The following ANK2 variants were observed in gnomAD, a reference collection of about 807,000 sequenced individuals.
ANK2 encodes the protein ankyrin-2.
Under a neutral mutation model 360.5 loss-of-function variants are expected in ANK2, and 83 were observed. The ratio of observed to expected loss-of-function variants is 0.23; its 90% confidence interval spans 0.19 to 0.28. The LOEUF (loss-of-function observed/expected upper bound fraction) is 0.28. ANK2 is among the 10% of genes least tolerant of loss of function. The probability of loss-of-function intolerance (pLI) is 1.00; values close to 1 mark genes in which losing one functional copy is unlikely to be tolerated. For synonymous variants in ANK2, 1,740 were observed against 1,759.5 expected (o/e 0.99, Z 0.28); for missense variants, 4,201 against 4,795.7 (o/e 0.88, Z 3.66).
chr4:113,271,479 G>GACACACAC (rs3059950), intron 14 of ANK2, among the ~76,000 whole-genome samples: 53,312 of 150,240 alleles, frequency 0.35, 9,965 homozygotes, highest in South Asian at 0.46. Context: ...TGCACGCACA[G>GACACACAC]ACACACACAC....
At chr4:113,320,632 G>A (rs753661699) in intron 26 of ANK2, among the ~76,000 whole-genome samples, 9 of 152,056 alleles carry the variant, frequency 5.9e-5, no homozygotes, top group Admixed American at 1.3e-4. Flanking sequence ...TCCAGCCTGG[G>A]TGACAGAGTG....
At chr4:113,242,267 A>G (rs996649298) in intron 9 of ANK2, 58 bp downstream of exon 9, 8 of 1,435,482 alleles carry the variant, frequency 5.6e-6, no homozygotes, top group Non-Finnish European at 7.8e-6. Flanking sequence ...AGCCTCATAG[A>G]AGGCACCTCA....
the ANK2 span, among the ~76,000 whole-genome samples, chr4:112,749,572 T>G: frequency 1.3e-5 from 2 of 152,292 alleles, no homozygotes; most frequent in South Asian, 4.1e-4. Flanking sequence ...ATGAGAGAGA[T>G]GGTCTCCTAC....
intron 1 of ANK2, among the ~76,000 whole-genome samples, chr4:113,146,481 A>G (rs1225897996): frequency 6.6e-6 from 1 of 152,226 alleles, no homozygotes; most frequent in African/African-American, 2.4e-5. Context: ...ATATTTGACT[A>G]ACTTCAGTGA....
At chr4:113,363,926 G>T (rs2096385999) in intron 40 of ANK2, among the ~76,000 whole-genome samples, 1 of 152,156 alleles carries the variant, frequency 6.6e-6, no homozygotes, top group Admixed American at 6.6e-5. Context: ...TGAATAAGGG[G>T]ATTGGGAAAA....
At chr4:113,297,436 A>C (rs983662543) in intron 22 of ANK2, among the ~76,000 whole-genome samples, 1 of 152,010 alleles carries the variant, frequency 6.6e-6, no homozygotes, top group Non-Finnish European at 1.5e-5. Flanking sequence ...CTTTAAAAAG[A>C]AATGATAAAT....
chr4:112,813,940 C>T (rs947837586), upstream of ANK2, among the ~76,000 whole-genome samples: 2 of 152,172 alleles, frequency 1.3e-5, no homozygotes, highest in African/African-American at 2.4e-5. Context: ...ATTTAGTGGC[C>T]CAGTTTTCTT....
intron 1 of ANK2, among the ~76,000 whole-genome samples, chr4:112,884,292 G>A (rs1486710201): frequency 6.6e-6 from 1 of 152,134 alleles, no homozygotes; most frequent in African/African-American, 2.4e-5. Flanking sequence ...TTTAGAGTAG[G>A]CGACTTTTTT....
chr4:113,327,672 T>G (rs1178797609), intron 26 of ANK2, among the ~76,000 whole-genome samples: 1 of 152,190 alleles, frequency 6.6e-6, no homozygotes, highest in Non-Finnish European at 1.5e-5. Flanking sequence ...CTCCTATGTG[T>G]GGACTTAGTC....
chr4:112,945,578 A>C (rs2094493891), intron 2 of ANK2, among the ~76,000 whole-genome samples: 1 of 152,164 alleles, frequency 6.6e-6, no homozygotes, highest in African/African-American at 2.4e-5. Context: ...CAAAACCGAA[A>C]AGAGTCTATT....
At chr4:113,036,399 A>G (rs2061614716) in intron 2 of ANK2, among the ~76,000 whole-genome samples, 1 of 151,996 alleles carries the variant, frequency 6.6e-6, no homozygotes, top group Admixed American at 6.6e-5. Context: ...AGTAAGTTAT[A>G]TGATTTGTTG....
the ANK2 span, among the ~76,000 whole-genome samples, chr4:112,749,516 A>C: frequency 6.6e-6 from 1 of 152,038 alleles, no homozygotes; most frequent in African/African-American, 2.4e-5. Flanking sequence ...TGAGCTCTTT[A>C]CTCCAGACTT....
chr4:112,808,845 G>A, the ANK2 span, among the ~76,000 whole-genome samples: 1 of 151,970 alleles, frequency 6.6e-6, no homozygotes. Context: ...AACAACTGGG[G>A]ACATACAGAC....
At chr4:112,780,915 T>C in the ANK2 span, among the ~76,000 whole-genome samples, 1 of 152,196 alleles carries the variant, frequency 6.6e-6, no homozygotes, top group African/African-American at 2.4e-5. Flanking sequence ...AGCATAACCA[T>C]ATAAATTATA....
intron 31 of ANK2, among the ~76,000 whole-genome samples, chr4:113,338,410 C>T (rs1057440508): frequency 6.6e-6 from 1 of 152,010 alleles, no homozygotes; most frequent in Non-Finnish European, 1.5e-5. Context: ...ATTTACCTTG[C>T]AATATTTATT....
At chr4:113,020,953 CAG>C (rs76022102) in intron 2 of ANK2, among the ~76,000 whole-genome samples, 20,794 of 151,900 alleles carry the variant, frequency 0.14, 1,804 homozygotes, top group East Asian at 0.39. Flanking sequence ...GTTCAGGAAA[CAG>C]AGAAAATAAA....
chr4:113,044,296 T>A (rs2063725324), intron 2 of ANK2, among the ~76,000 whole-genome samples: 1 of 152,182 alleles, frequency 6.6e-6, no homozygotes. Context: ...CTTTCCCCAG[T>A]CTTTGCTCTT....
At position 113,174,422 on chromosome 4, in the gene ANK2, A is replaced by G; in HGVS notation, c.91A>G (p.Ser31Gly). 6.2e-7 allele frequency: 1 copy of G among 1,612,290 alleles called. No individual in the cohort carries two copies. The highest frequency in any genetic ancestry group is 1.7e-5 in the Admixed American group (1 of 59,940). The change falls in exon 2 of 46, where the codon AGC (serine) becomes GGC (glycine). Residue 31 changes from serine (S) to glycine (G), a missense_variant. By Grantham distance (56) the Ser-to-Gly change is moderately conservative. Transcript: ENST00000357077. Reference sequence around the variant, plus strand: ...TCTTTTATTTTTCTCGCAGTCTGACAGCAATGCAAGCTTCCTCCGTGCTGC... The same window carrying G: ...TCTTTTATTTTTCTCGCAGTCTGACGGCAATGCAAGCTTCCTCCGTGCTGC... ...QRRKRPKKSD[S>G]NASFLRAARA...
Position 113,363,407 on chromosome 4 carries a change from T to C in ANK2, c.10826T>C (p.Leu3609Pro). 1 of 1,613,574 alleles carries C rather than the reference T, an allele frequency of 6.2e-7. No individual in the cohort carries two copies. The highest frequency in any genetic ancestry group is 1.3e-5 in the African/African-American group (1 of 74,994). The part of the protein sequence containing the change: ...HQIRIENPNS[L>P]QDQSHALLKY... ...ATTCGAATTGAAAATCCCAACTCTCTTCAAGACCAGAGTCATGCACTGTTG... is the reference window on the plus strand; with the variant it reads ...ATTCGAATTGAAAATCCCAACTCTCCTCAAGACCAGAGTCATGCACTGTTG... The change falls in exon 40 of 46, where the codon CTT becomes CCT. Residue 3609 changes from leucine (L) to proline (P), a missense_variant. By Grantham distance (98) the Leu-to-Pro change is moderately conservative. This residue lies in a region of ANK2 where 2,642 missense variants were observed against 2,714.5 expected (regional missense o/e 0.97). Coordinates refer to ENST00000357077, the MANE Select transcript of ANK2 (RefSeq NM_001148.6).
Sources: gnomAD v4.1 joint callset for allele counts (sites outside exome capture counted in the v4.1 genomes callset) on GRCh38, gnomAD v4.1.1 for gene constraint, gnomAD v4.1.1 regional missense constraint, MANE v1.5 for transcripts, NCBI Gene and HGNC (gene_info 2026-07-23, HGNC 2026-07-21) for gene names.